Variants in VAC14 observed in about 807,000 individuals in gnomAD.
VAC14 encodes the protein VAC14 component of PIKFYVE complex, also known as protein VAC14 homolog.
In VAC14, 47 loss-of-function variants were observed where a neutral mutation model predicts 85.3. The ratio of observed to expected loss-of-function variants is 0.55; its 90% confidence interval spans 0.44 to 0.70. VAC14 has a LOEUF of 0.70. VAC14 is among the 30% of genes least tolerant of loss of function. The pLI is 0.00. For missense variants in VAC14, 861 were observed against 1,004.3 expected, an observed-to-expected ratio of 0.86 and a Z score of 1.93; for synonymous variants, 447 against 430.5, an observed-to-expected ratio of 1.04 and a Z score of -0.47.
intron 14 of VAC14, among the ~76,000 whole-genome samples, chr16:70,730,891 T>A (rs1315174421): frequency 1.3e-5 from 2 of 152,140 alleles, no homozygotes; most frequent in African/African-American, 2.4e-5. Flanking sequence ...GGCTTTGGTG[T>A]AGAAGCTGGA....
chr16:70,745,331 C>T (rs115185499), intron 12 of VAC14, among the ~76,000 whole-genome samples: 450 of 152,260 alleles, frequency 3.0e-3, no homozygotes, highest in African/African-American at 0.01. Context: ...TGCTCTACAG[C>T]CCCCGTATCC....
At chr16:70,790,091 G>A (rs937317858) in intron 1 of VAC14, among the ~76,000 whole-genome samples, 6 of 152,210 alleles carry the variant, frequency 3.9e-5, no homozygotes, top group Admixed American at 2.6e-4. Flanking sequence ...AGCGTGGGAA[G>A]AGGAGGAAAG....
intron 18 of VAC14, chr16:70,691,624 C>T: frequency 7.1e-6 from 7 of 985,500 alleles, no homozygotes; most frequent in Non-Finnish European, 8.4e-6. Context: ...TGGCAACCGG[C>T]TCAAGGCCTA....
chr16:70,771,836 C>G (rs2033244442), intron 10 of VAC14: 1 of 386,688 alleles, frequency 2.6e-6, no homozygotes, highest in Non-Finnish European at 4.7e-6. Flanking sequence ...CTGCCTTGGC[C>G]TCCCCAAGTG....
At chr16:70,761,547 T>C (rs1272516040) in intron 12 of VAC14, among the ~76,000 whole-genome samples, 1 of 151,964 alleles carries the variant, frequency 6.6e-6, no homozygotes, top group Non-Finnish European at 1.5e-5. Flanking sequence ...GGGAACCCGG[T>C]AAAGGAACAC....
Position 70,695,574 on chromosome 16 carries a change from C to A in VAC14, c.2005G>T (p.Val669Leu), listed in dbSNP as rs1363536856. ...AAGATGGGGCACTCAATCAGCTGCA[C>A]CAGCTTGTCCACCTCTGCGAGGAAG... ...VDFLAEVDKL[V>L]QLIECPIFTY... is the part of the protein sequence containing the mutation. The change falls in exon 17 of 19, where the codon GTG (valine) becomes TTG (leucine). Residue 669 changes from valine (V) to leucine (L), a missense_variant. Transcript: ENST00000261776. 1 of 1,613,828 alleles carries A rather than the reference C, an allele frequency of 6.2e-7. No individual in the cohort carries two copies. The highest frequency in any genetic ancestry group is 1.3e-5 in the African/African-American group (1 of 74,906).
intron 12 of VAC14, among the ~76,000 whole-genome samples, chr16:70,750,449 G>A (rs2031288201): frequency 6.6e-6 from 1 of 152,292 alleles, no homozygotes; most frequent in Non-Finnish European, 1.5e-5. Context: ...GGTGACAGGC[G>A]GGGGTGGGGA....
At chr16:70,796,688 A>C (rs1027871806) in intron 1 of VAC14, among the ~76,000 whole-genome samples, 6 of 152,204 alleles carry the variant, frequency 3.9e-5, no homozygotes. Context: ...GCCAAACCAA[A>C]GGAAGCTTTT....
intron 12 of VAC14, among the ~76,000 whole-genome samples, chr16:70,753,247 G>A (rs1254348881): frequency 6.6e-6 from 1 of 152,226 alleles, no homozygotes; most frequent in East Asian, 1.9e-4. Flanking sequence ...GCAAGCCAGT[G>A]TGAAAATGGT....
At chr16:70,785,904 T>C in intron 2 of VAC14, 35 bp from the exon 3 acceptor site, 1 of 1,582,636 alleles carries the variant, frequency 6.3e-7, no homozygotes, top group Non-Finnish European at 8.6e-7. Context: ...CAGATCAGAA[T>C]GGGTTGGAGC....
At chr16:70,773,932 AT>A (rs766074278) in intron 9 of VAC14, among the ~76,000 whole-genome samples, 357 of 142,614 alleles carry the variant, frequency 2.5e-3, no homozygotes, top group Non-Finnish European at 2.4e-3. Context: ...AGCCCGGATA[AT>A]TTTTTTTTTT....
rs191633930 is a variant in VAC14, at chr16:70,790,443, G to A, written c.105-4078C>T. ...CCCTGGACACTTGGCAAAGGCACTG[G>A]CATTTAGCCCCGGTGGATGTGAGGA... On this transcript the variant is annotated intron_variant, in intron 1 of 18. Coordinates refer to ENST00000261776, the MANE Select transcript of VAC14 (RefSeq NM_018052.5). Among the ~76,000 whole-genome samples, 8 of 152,336 alleles carry A rather than the reference G, an allele frequency of 5.3e-5. No individual in the cohort carries two copies. The East Asian group carries it at 1.5e-3, about 29-fold the overall frequency.
chr16:70,768,198 C>T (rs1004209050), intron 10 of VAC14, among the ~76,000 whole-genome samples: 9 of 152,310 alleles, frequency 5.9e-5, no homozygotes, highest in African/African-American at 2.2e-4. Flanking sequence ...TCTTTACATA[C>T]TTTAACTCAC....
chr16:70,697,125 G>T lies in VAC14; in HGVS notation c.1955+14C>A. The T allele has an allele frequency of 6.2e-7, 1 of 1,604,932 alleles. No individual in the cohort carries two copies. The stretch of plus-strand genomic sequence containing the variant: ...TCAGAGGCTCAACCCCAACCACAGT[G>T]AGAGGAAGGATACAACTTCTGGATG... On this transcript the variant is annotated intron_variant, in intron 16 of 18. Transcript: ENST00000261776.
At chr16:70,696,070 GCCACA>G (rs1216461789) in intron 16 of VAC14, among the ~76,000 whole-genome samples, 2 of 152,178 alleles carry the variant, frequency 1.3e-5, no homozygotes, top group Non-Finnish European at 2.9e-5. Context: ...GCCAGGCAGG[GCCACA>G]CCTAGCCCTC....
At position 70,785,863 on chromosome 16, in the gene VAC14, C is replaced by A. The variant is rs747112152; in HGVS notation, c.262G>T (p.Gly88Trp). Residue 88 changes from glycine to tryptophan, a missense_variant, in exon 3 of 19, where the codon GGG (glycine) becomes TGG (tryptophan). Coordinates refer to ENST00000261776, the MANE Select transcript of VAC14 (RefSeq NM_018052.5). The part of the protein sequence containing the change: ...ACSIALGKDS[G>W]LYLKELIEPV... ...TCGATCAGCTCCTTCAGGTAGAGCCCTGAGTCCTGCAAGGAGGCAGGAGGA... is the reference window on the plus strand; with the variant it reads ...TCGATCAGCTCCTTCAGGTAGAGCCATGAGTCCTGCAAGGAGGCAGGAGGA... 6.2e-7 allele frequency: 1 copy of A among 1,604,100 alleles called. No homozygotes were observed. The highest frequency in any genetic ancestry group is 8.5e-7 in the Non-Finnish European group (1 of 1,174,558).
rs1445707436 is a variant in VAC14 at position 70,783,395 on chromosome 16, C to G, written c.704+50G>C. ...TCTGTGGGCATGAAGCACATGGGCA[C>G]AGCTGGGGGTGGCAGGAGGCAGCAG... On this transcript the variant is annotated intron_variant, in intron 6 of 18. Transcript: ENST00000261776. 1.9e-6 allele frequency: 3 copies of G among 1,582,252 alleles called. No individual in the cohort carries two copies. In the African/African-American group the frequency reaches 4.0e-5, roughly 21 times the overall value.
intron 13 of VAC14, among the ~76,000 whole-genome samples, chr16:70,738,754 C>A (rs529560246): frequency 6.4e-4 from 98 of 152,342 alleles, no homozygotes; most frequent in African/African-American, 2.3e-3. Context: ...TAGGTACTGA[C>A]CCTTACTGGG....
chr16:70,760,961 G>GA (rs1380412776), intron 12 of VAC14, among the ~76,000 whole-genome samples: 6 of 120,604 alleles, frequency 5.0e-5, no homozygotes, highest in African/African-American at 2.3e-4. Context: ...CACGAAGAGA[G>GA]GGTGTGTGTG....
Sources: gnomAD v4.1 joint callset for allele counts (sites outside exome capture counted in the v4.1 genomes callset) on GRCh38, gnomAD v4.1.1 for gene constraint, MANE v1.5 for transcripts, NCBI Gene and HGNC (gene_info 2026-07-23, HGNC 2026-07-21) for gene names.